Variants in TSPAN7 observed in about 807,000 individuals in gnomAD.
TSPAN7 encodes tetraspanin 7.
Under a neutral mutation model 17.6 loss-of-function variants are expected in TSPAN7, and 1 was observed. That is an observed-to-expected ratio of 0.06 (90% CI 0.02 to 0.27). TSPAN7 has a LOEUF of 0.27. Ranked by LOEUF, TSPAN7 falls within the 10% of genes least tolerant of loss-of-function variation. TSPAN7 has a pLI of 1.00. For synonymous variants in TSPAN7, 78 were observed against 79.0 expected (o/e 0.99, Z 0.07); for missense variants, 112 against 201.7 (o/e 0.56, Z 2.69).
chrX:38,572,383 T>A (rs1337247661), intron 1 of TSPAN7, among the ~76,000 whole-genome samples: 1 of 111,615 alleles, frequency 9.0e-6, no homozygotes, highest in East Asian at 2.8e-4. Context: ...TGAAGCAAGT[T>A]GAGTTGTCAT....
intron 1 of TSPAN7, among the ~76,000 whole-genome samples, chrX:38,655,490 G>T (rs969055527): frequency 4.7e-5 from 5 of 107,466 alleles, no homozygotes; most frequent in Admixed American, 4.0e-4. Context: ...CAGTTTTTAA[G>T]TTTTTTTTTT....
chrX:38,605,018 C>G (rs1370942237), intron 1 of TSPAN7, among the ~76,000 whole-genome samples: 1 of 111,071 alleles, frequency 9.0e-6, no homozygotes, highest in African/African-American at 3.3e-5. Context: ...GATGCCCTCT[C>G]TCACCACTCC....
At chrX:38,680,462 C>T (rs149559120) in intron 5 of TSPAN7, among the ~76,000 whole-genome samples, 2,486 of 109,250 alleles carry the variant, frequency 0.023, 70 homozygotes, top group African/African-American at 0.078. Flanking sequence ...TGGAAAAAGA[C>T]CATGTCTTCC....
intron 1 of TSPAN7, among the ~76,000 whole-genome samples, chrX:38,651,050 C>CATATATAT (rs34201318): frequency 2.6e-4 from 26 of 98,138 alleles, no homozygotes; most frequent in Admixed American, 8.9e-4. Context: ...AATGTGATTA[C>CATATATAT]ATATATATAT....
At chrX:38,603,956 T>C (rs767966972) in intron 1 of TSPAN7, among the ~76,000 whole-genome samples, 3 of 104,334 alleles carry the variant, frequency 2.9e-5, no homozygotes, top group Non-Finnish European at 5.9e-5. Flanking sequence ...TGTGCCATGC[T>C]GGTGTGCTGC....
intron 1 of TSPAN7, among the ~76,000 whole-genome samples, chrX:38,625,683 G>C (rs766393976): frequency 2.7e-5 from 3 of 112,060 alleles, no homozygotes; most frequent in Admixed American, 9.5e-5. Context: ...ATAGAGTAGA[G>C]ATCCCAGGAG....
chrX:38,672,591 A>G (rs183659553), intron 3 of TSPAN7, among the ~76,000 whole-genome samples: 1 of 111,427 alleles, frequency 9.0e-6, no homozygotes, highest in Non-Finnish European at 1.9e-5. Context: ...AACAGCCCTA[A>G]TAAGTGCCCC....
chrX:38,563,697 C>T (rs1010501811), intron 1 of TSPAN7, among the ~76,000 whole-genome samples: 1 of 111,499 alleles, frequency 9.0e-6, no homozygotes, highest in Non-Finnish European at 1.9e-5. Context: ...TTTATGTCCT[C>T]CGGAAGTTCC....
chrX:38,671,236 G>A, intron 2 of TSPAN7, 140 bp from the exon 3 acceptor site: 1 of 610,530 alleles, frequency 1.6e-6, no homozygotes, highest in Non-Finnish European at 2.8e-6. Context: ...AGAGACGAAT[G>A]TTTTATATTT....
At chrX:38,586,264 G>C (rs1480275040) in intron 1 of TSPAN7, among the ~76,000 whole-genome samples, 1 of 112,493 alleles carries the variant, frequency 8.9e-6, no homozygotes, top group Non-Finnish European at 1.9e-5. Context: ...GTCTGATAAA[G>C]TATTGTGTCT....
intron 1 of TSPAN7, among the ~76,000 whole-genome samples, chrX:38,661,829 T>TG (rs1409842871): frequency 1.2e-5 from 1 of 82,669 alleles, no homozygotes; most frequent in Non-Finnish European, 2.7e-5. Flanking sequence ...AGGAGAGAGA[T>TG]GTTTTAAAAA....
Position 38,657,819 on chromosome X carries a change from G to A in TSPAN7, c.82-8302G>A, listed in dbSNP as rs763204413. On this transcript the variant is annotated intron_variant, in intron 1 of 7. Transcript: ENST00000378482. ...TTAGTTGTTTCACTACACATATGAA[G>A]AGACTGTAATAGACCCACAGTCAAA... Among the ~76,000 whole-genome samples the A allele has an allele frequency of 6.3e-4, 71 of 112,429 alleles. 1 individual carries two copies. The highest frequency in any genetic ancestry group is 1.1e-3 in the Non-Finnish European group (58 of 53,281).
chrX:38,563,665 A>G (rs941669952), intron 1 of TSPAN7, among the ~76,000 whole-genome samples: 1 of 111,625 alleles, frequency 9.0e-6, no homozygotes, highest in Admixed American at 9.5e-5. Context: ...TGCCCCCAAT[A>G]CATCTTAAAC....
At chrX:38,631,479 A>G (rs1013238044) in intron 1 of TSPAN7, among the ~76,000 whole-genome samples, 1 of 111,951 alleles carries the variant, frequency 8.9e-6, no homozygotes, top group African/African-American at 3.2e-5. Context: ...TCTTTTATAT[A>G]GAAAGTTCCC....
At chrX:38,608,926 G>A (rs920856848) in intron 1 of TSPAN7, among the ~76,000 whole-genome samples, 1 of 111,933 alleles carries the variant, frequency 8.9e-6, no homozygotes, top group Non-Finnish European at 1.9e-5. Flanking sequence ...CCCATTGTAT[G>A]AATATACCAC....
intron 1 of TSPAN7, among the ~76,000 whole-genome samples, chrX:38,641,121 C>T (rs148799381): frequency 0.026 from 2,861 of 111,186 alleles, 109 homozygotes; most frequent in African/African-American, 0.09. Context: ...AGAATCTTGG[C>T]CTTGGATACT....
chrX:38,596,606 G>A (rs1034885469), intron 1 of TSPAN7, among the ~76,000 whole-genome samples: 7 of 111,336 alleles, frequency 6.3e-5, no homozygotes, highest in African/African-American at 2.0e-4. Context: ...CTTGCTACCC[G>A]AAGTCTGTGC....
At position 38,630,848 on chromosome X, in the gene TSPAN7, A is replaced by C. The variant is rs139917309; in HGVS notation, c.82-35273A>C. Reference sequence around the variant, plus strand: ...AATACCCCATCTGTGATGACAAGTGAACAGTGCTCATTTCTACCTCTGCGC... The same window carrying C: ...AATACCCCATCTGTGATGACAAGTGCACAGTGCTCATTTCTACCTCTGCGC... On this transcript the variant is annotated intron_variant, in intron 1 of 7. Coordinates refer to ENST00000378482, the MANE Select transcript of TSPAN7 (RefSeq NM_004615.4). Among the ~76,000 whole-genome samples, 333 of 111,936 alleles carry C rather than the reference A, an allele frequency of 3.0e-3. 1 individual carries two copies. Among genetic ancestry groups the C allele is most frequent in the Non-Finnish European group, 5.0e-3 (268 of 53,131 alleles).
chrX:38,676,499 T>C, intron 5 of TSPAN7, among the ~76,000 whole-genome samples: 1 of 112,257 alleles, frequency 8.9e-6, no homozygotes, highest in Non-Finnish European at 1.9e-5. Context: ...CATTCCATTT[T>C]ACAGAGAATA....
Sources: allele counts gnomAD v4.1 joint callset (sites outside exome capture counted in the v4.1 genomes callset), GRCh38; gene constraint gnomAD v4.1.1; transcripts MANE v1.5; gene names NCBI Gene and HGNC (gene_info 2026-07-23, HGNC 2026-07-21).